THBS4: variants seen among roughly 807,000 people sequenced by gnomAD.
The protein encoded by THBS4 is thrombospondin 4.
THBS4 carries 90 observed loss-of-function variants against 115.7 expected under a neutral mutation model. The observed-to-expected ratio is 0.78, with a 90% CI of 0.66 to 0.93. The LOEUF (loss-of-function observed/expected upper bound fraction) is 0.93, where lower values mean the gene tolerates loss of function less well. THBS4 is among the 40% of genes least tolerant of loss of function. The pLI is 0.00. For missense variants in THBS4, 1,087 were observed against 1,232.7 expected, an observed-to-expected ratio of 0.88 and a Z score of 1.77; for synonymous variants, 460 against 479.3, an observed-to-expected ratio of 0.96 and a Z score of 0.53.
At chr5:80,013,661 C>T (rs1000187041) in intron 2 of THBS4, among the ~76,000 whole-genome samples, 1 of 152,132 alleles carries the variant, frequency 6.6e-6, no homozygotes, top group Non-Finnish European at 1.5e-5. Context: ...AGAAAGCAGG[C>T]TCCAGTATTC....
chr5:80,003,985 A>G (rs1387389941), intron 2 of THBS4, among the ~76,000 whole-genome samples: 1 of 152,210 alleles, frequency 6.6e-6, no homozygotes, highest in Non-Finnish European at 1.5e-5. Context: ...AGGGTCATTC[A>G]TACTTGGGAT....
intron 2 of THBS4, among the ~76,000 whole-genome samples, chr5:80,014,556 G>A (rs977656912): frequency 3.3e-5 from 5 of 152,214 alleles, no homozygotes; most frequent in African/African-American, 1.2e-4. Flanking sequence ...GCCCAAGGAT[G>A]TGGTGTTAGC....
At position 80,019,151 on chromosome 5, in the gene THBS4, A is replaced by G. The variant is rs550478850; in HGVS notation, n.177+20724A>G. 9.8e-4 allele frequency among the ~76,000 whole-genome samples: 149 copies of G among 152,160 alleles called. 1 individual carries two copies. The highest frequency in any genetic ancestry group is 3.6e-3 in the African/African-American group (148 of 41,500). On this transcript the variant is annotated intron_variant and non_coding_transcript_variant, in intron 2 of 3. Transcript: ENST00000510218. ...AAAACCACAAGAAGCAACATCAACT[A>G]TGAAGTATCATTGATAAAAATATTT... is the stretch of plus-strand genomic sequence containing the variant.
intron 15 of THBS4, chr5:80,074,154 G>C (rs1026466663): frequency 1.3e-5 from 2 of 152,144 alleles, no homozygotes; most frequent in African/African-American, 4.8e-5. Flanking sequence ...TATTCTTTCA[G>C]CTCAGGAAAA....
intron 15 of THBS4, chr5:80,076,209 T>G (rs1439280016): frequency 1.3e-5 from 2 of 152,236 alleles, no homozygotes; most frequent in African/African-American, 4.8e-5. Flanking sequence ...CCCTGTTCAC[T>G]TTGCCCTTCT....
chr5:80,032,677 G>A (rs542035053), upstream of THBS4, among the ~76,000 whole-genome samples: 26 of 152,358 alleles, frequency 1.7e-4, no homozygotes, highest in Admixed American at 1.1e-3. Flanking sequence ...CGGGCAGGAA[G>A]CATCCAGCAC....
At position 80,068,145 on chromosome 5, in the gene THBS4, C is replaced by T; in HGVS notation, c.1347+20C>T. 2 of 1,612,300 alleles carry T rather than the reference C, an allele frequency of 1.2e-6. No homozygotes were observed. The highest frequency in any genetic ancestry group is 1.7e-6 in the Non-Finnish European group (2 of 1,178,998). ...TGTGTGGTAAGTTGTTTTTTGACTTCCTCTATCATTTTTCCTCTTCCATTT... is the reference window on the plus strand; with the variant it reads ...TGTGTGGTAAGTTGTTTTTTGACTTTCTCTATCATTTTTCCTCTTCCATTT... On this transcript the variant is annotated intron_variant, in intron 10 of 21. Coordinates refer to ENST00000350881, the MANE Select transcript of THBS4 (RefSeq NM_003248.6).
At chr5:80,022,263 A>G (rs1012364330) in intron 2 of THBS4, among the ~76,000 whole-genome samples, 2 of 152,188 alleles carry the variant, frequency 1.3e-5, no homozygotes, top group African/African-American at 4.8e-5. Context: ...TGCCAGCTCA[A>G]TAATTCATTT....
intron 2 of THBS4, among the ~76,000 whole-genome samples, chr5:80,007,562 G>T (rs1356928051): frequency 1.3e-5 from 2 of 152,190 alleles, no homozygotes; most frequent in Non-Finnish European, 2.9e-5. Context: ...TGCAGAACGT[G>T]GCTACTACTC....
upstream of THBS4, among the ~76,000 whole-genome samples, chr5:80,031,767 G>A (rs571901581): frequency 1.3e-5 from 2 of 152,270 alleles, no homozygotes; most frequent in African/African-American, 2.4e-5. Flanking sequence ...AATCCTGTTG[G>A]CCAAGCATGT....
intron 2 of THBS4, among the ~76,000 whole-genome samples, chr5:80,026,593 C>A (rs1054265555): frequency 1.3e-5 from 2 of 152,206 alleles, no homozygotes; most frequent in African/African-American, 4.8e-5. Context: ...AAAATGGACA[C>A]AGCATTGCTG....
At chr5:80,009,679 C>G (rs184017678) in intron 2 of THBS4, among the ~76,000 whole-genome samples, 61 of 151,456 alleles carry the variant, frequency 4.0e-4, no homozygotes, top group African/African-American at 1.4e-3. Context: ...GTGATTCAAA[C>G]AAGTTTCCAA....
At position 80,040,164 on chromosome 5, in the gene THBS4, A is replaced by G. The variant is rs1481479551; in HGVS notation, c.176A>G (p.Tyr59Cys). ...VLTDPALNDLYVISTFKLQTK... is the reference protein window; with the variant it reads ...VLTDPALNDLCVISTFKLQTK... ...ACAGACCCCGCCCTGAATGATCTCT[A>G]TGTGATTTCCACCTTCAAGCTGCAG... Residue 59 changes from tyrosine (Y) to cysteine (C), a missense_variant, in exon 2 of 22, where the codon TAT (tyrosine) becomes TGT (cysteine). By Grantham distance (194) the Tyr-to-Cys change is radical. This residue lies in a region of THBS4 where 979 missense variants were observed against 1,103.7 expected (regional missense o/e 0.89). Transcript: ENST00000350881. 5 of 1,614,066 alleles carry G rather than the reference A, an allele frequency of 3.1e-6. No individual in the cohort carries two copies. The highest frequency in any genetic ancestry group is 3.4e-6 in the Non-Finnish European group (4 of 1,180,018).
chr5:80,000,106 C>A (rs1004357960), intron 2 of THBS4, among the ~76,000 whole-genome samples: 1 of 152,130 alleles, frequency 6.6e-6, no homozygotes, highest in Admixed American at 6.6e-5. Flanking sequence ...GATAAAATGT[C>A]TCAGTATGTA....
chr5:79,992,034 G>A (rs1028793084), intron 1 of THBS4, among the ~76,000 whole-genome samples: 23 of 152,200 alleles, frequency 1.5e-4, no homozygotes, highest in African/African-American at 2.9e-4. Context: ...ATGCTCTTCC[G>A]TCACTGTCTT....
chr5:80,027,054 C>G (rs1832490732), intron 2 of THBS4, among the ~76,000 whole-genome samples: 1 of 152,202 alleles, frequency 6.6e-6, no homozygotes. Flanking sequence ...GAGGAAGACA[C>G]AGAACCTGTG....
intron 4 of THBS4, 116 bp from the exon 5 acceptor site, chr5:80,058,592 T>C: frequency 1.1e-6 from 1 of 893,196 alleles, no homozygotes; most frequent in Non-Finnish European, 1.8e-6. Context: ...AATTCAAAGA[T>C]TCTGGGTTTT....
At chr5:80,030,697 G>T (rs1832569693), upstream of THBS4, among the ~76,000 whole-genome samples, 1 of 152,054 alleles carries the variant, frequency 6.6e-6, no homozygotes, top group Non-Finnish European at 1.5e-5. Context: ...TTATAGAGAT[G>T]AGGTCTCACT....
At chr5:80,066,020 G>A (rs1005085925) in intron 9 of THBS4, among the ~76,000 whole-genome samples, 4 of 150,682 alleles carry the variant, frequency 2.7e-5, no homozygotes, top group African/African-American at 4.9e-5. Flanking sequence ...ACATGAACCC[G>A]GCAGGCGGAG....
Sources: gnomAD v4.1 joint callset for allele counts (sites outside exome capture counted in the v4.1 genomes callset) on GRCh38, gnomAD v4.1.1 for gene constraint, gnomAD v4.1.1 regional missense constraint, MANE v1.5 for transcripts, NCBI Gene and HGNC (gene_info 2026-07-23, HGNC 2026-07-21) for gene names.